Variants in PEX14 observed in about 807,000 individuals in gnomAD.
PEX14 encodes peroxisomal membrane protein PEX14.
A neutral mutation model predicts 49.5 loss-of-function variants in PEX14; 15 were observed. That is an observed-to-expected ratio of 0.30 (90% CI 0.20 to 0.47). The LOEUF (loss-of-function observed/expected upper bound fraction) is 0.47. Among genes scored for constraint, PEX14 ranks in the 20% least tolerant of loss-of-function variants. PEX14 has a pLI of 1.00. For synonymous variants in PEX14, 210 were observed against 212.7 expected (o/e 0.99, Z 0.11); for missense variants, 398 against 494.8 (o/e 0.80, Z 1.86).
Position 10,494,748 on chromosome 1 carries a change from A to ATCCT in PEX14, c.37-526_37-525insTCCT, listed in dbSNP as rs1451332848. ...TCCTTAGTGGCAGGTGATGAATAGG[A>ATCCT]ACCTGTGTAGTTTACTGGCTTCTGG... is the stretch of plus-strand genomic sequence containing the variant. On this transcript the variant is annotated intron_variant, in intron 1 of 8. Coordinates refer to ENST00000356607, the MANE Select transcript of PEX14 (RefSeq NM_004565.3). The surrounding 1 kb of genome is among the most constrained non-coding windows in gnomAD (Gnocchi z 4.3). 2.0e-5 allele frequency among the ~76,000 whole-genome samples: 3 copies of ATCCT among 152,158 alleles called. No homozygotes were observed. The highest frequency in any genetic ancestry group is 7.2e-5 in the African/African-American group (3 of 41,454).
chr1:10,503,885 C>G lies in PEX14; in HGVS notation c.84+8564C>G, dbSNP rs144961532. ...AGTAGCTGGGATTACAGGCGCCCACCACCATGCCTGGCTAATTTTTTAATT... is the reference window on the plus strand; with the variant it reads ...AGTAGCTGGGATTACAGGCGCCCACGACCATGCCTGGCTAATTTTTTAATT... On this transcript the variant is annotated intron_variant, in intron 2 of 8. Transcript: ENST00000356607. Among the ~76,000 whole-genome samples the G allele has an allele frequency of 4.8e-3, 737 of 152,118 alleles. 4 individuals are homozygous for G. Among genetic ancestry groups the G allele is most frequent in the African/African-American group, 0.017 (705 of 41,498 alleles).
rs1641839828 is a variant in PEX14, at chr1:10,629,318, G to GT, written c.678-212dup. 6.6e-6 allele frequency among the ~76,000 whole-genome samples: 1 copy of GT among 152,190 alleles called. No homozygotes were observed. The highest frequency in any genetic ancestry group is 1.5e-5 in the Non-Finnish European group (1 of 68,024). ...GGCCCGGGGGGACCCTGGGCTGTCT[G>GT]TGGGGGCACAGGACCCGCTTGGCAT... On this transcript the variant is annotated intron_variant, in intron 8 of 8. Coordinates refer to ENST00000356607, the MANE Select transcript of PEX14 (RefSeq NM_004565.3). The surrounding 1 kb of genome is among the most constrained non-coding windows in gnomAD (Gnocchi z 8.5).
chr1:10,479,714 A>G (rs1174114541), intron 1 of PEX14, among the ~76,000 whole-genome samples: 1 of 152,196 alleles, frequency 6.6e-6, no homozygotes, highest in Non-Finnish European at 1.5e-5. Flanking sequence ...GCAGAGTGAA[A>G]GAGTGGAAGA....
At chr1:10,609,772 C>T (rs1641225671) in intron 4 of PEX14, among the ~76,000 whole-genome samples, 2 of 152,104 alleles carry the variant, frequency 1.3e-5, no homozygotes, top group South Asian at 4.1e-4. Context: ...GTAATCCCAG[C>T]TACTCGAGAG....
At chr1:10,573,610 C>A (rs1478479337) in intron 3 of PEX14, among the ~76,000 whole-genome samples, 2 of 152,132 alleles carry the variant, frequency 1.3e-5, no homozygotes, top group Non-Finnish European at 2.9e-5. Context: ...CAAATGTTGT[C>A]AAGAATGTGG....
intron 3 of PEX14, among the ~76,000 whole-genome samples, chr1:10,569,532 A>G (rs1387849791): frequency 6.6e-6 from 1 of 152,068 alleles, no homozygotes; most frequent in African/African-American, 2.4e-5. Flanking sequence ...CCTTTTCTCT[A>G]TCCTGTGGTT....
chr1:10,589,873 T>A (rs1348159862), intron 3 of PEX14, among the ~76,000 whole-genome samples: 1 of 152,210 alleles, frequency 6.6e-6, no homozygotes, highest in Non-Finnish European at 1.5e-5. Flanking sequence ...GCATTGGGCA[T>A]CCTCTTGTTT....
intron 3 of PEX14, among the ~76,000 whole-genome samples, chr1:10,575,438 TTTAA>T (rs1324131617): frequency 2.6e-5 from 4 of 152,210 alleles, no homozygotes; most frequent in South Asian, 2.1e-4. Context: ...AAATGGAATA[TTTAA>T]TTTTTCAACA....
chr1:10,584,078 ACTAGT>A lies in PEX14; in HGVS notation c.170-15154_170-15150del, dbSNP rs559566769. On this transcript the variant is annotated intron_variant, in intron 3 of 8. Transcript: ENST00000356607. ...GGATCACCAGGGTGGAAGCTGGGAG[ACTAGT>A]CTAGTGTTGAGATGTGATCAGATTC... is the stretch of plus-strand genomic sequence containing the variant. Among the ~76,000 whole-genome samples, 216 of 152,328 alleles carry A rather than the reference ACTAGT, an allele frequency of 1.4e-3. 2 individuals are homozygous for A. Among genetic ancestry groups the A allele is most frequent in the Admixed American group, 4.4e-3 (68 of 15,300 alleles).
At chr1:10,517,355 A>G (rs1391906389) in intron 2 of PEX14, among the ~76,000 whole-genome samples, 4 of 152,190 alleles carry the variant, frequency 2.6e-5, no homozygotes, top group Admixed American at 2.6e-4. Context: ...TGCATCAGGC[A>G]GTGATCAGAT....
intron 4 of PEX14, among the ~76,000 whole-genome samples, chr1:10,606,835 A>C (rs1299485150): frequency 6.6e-5 from 10 of 152,238 alleles, no homozygotes; most frequent in Admixed American, 6.5e-4. Context: ...CTTTTTTAAA[A>C]AAAATTCTGA....
At chr1:10,503,720 C>CCTTTTTT (rs879545187) in intron 2 of PEX14, among the ~76,000 whole-genome samples, 1 of 151,716 alleles carries the variant, frequency 6.6e-6, no homozygotes, top group Non-Finnish European at 1.5e-5. Flanking sequence ...TCCAGGATAA[C>CCTTTTTT]CTTTTTTCTT....
intron 3 of PEX14, among the ~76,000 whole-genome samples, chr1:10,563,519 G>A (rs1402236988): frequency 3.3e-5 from 5 of 152,138 alleles, no homozygotes; most frequent in South Asian, 2.1e-4. Context: ...CAGCTACTCC[G>A]GAGGCGGAGG....
chr1:10,478,698 C>T (rs1434481640), intron 1 of PEX14, among the ~76,000 whole-genome samples: 1 of 151,990 alleles, frequency 6.6e-6, no homozygotes, highest in Non-Finnish European at 1.5e-5. Context: ...TTCGTCTCAG[C>T]CTCCTGAGTA....
chr1:10,500,928 T>C (rs759535167), intron 2 of PEX14, among the ~76,000 whole-genome samples: 8 of 152,218 alleles, frequency 5.3e-5, no homozygotes, highest in Non-Finnish European at 1.0e-4. Flanking sequence ...TGTGCACTCA[T>C]GTATGCATGT....
At chr1:10,566,271 G>A (rs140210347) in intron 3 of PEX14, among the ~76,000 whole-genome samples, 39 of 152,128 alleles carry the variant, frequency 2.6e-4, no homozygotes, top group Non-Finnish European at 4.3e-4. Flanking sequence ...TTTTATTTCC[G>A]TATCTACAAA....
intron 1 of PEX14, among the ~76,000 whole-genome samples, chr1:10,485,969 G>C (rs1641361500): frequency 6.6e-6 from 1 of 151,902 alleles, no homozygotes; most frequent in East Asian, 1.9e-4. Context: ...TGTTGGCCAG[G>C]CTGGTCTTGA....
intron 3 of PEX14, among the ~76,000 whole-genome samples, chr1:10,550,726 C>T (rs1639310277): frequency 6.6e-6 from 1 of 152,132 alleles, no homozygotes; most frequent in East Asian, 1.9e-4. Context: ...CATATGGAAG[C>T]CCACCCAATT....
At chr1:10,504,883 G>A (rs1182698131) in intron 2 of PEX14, among the ~76,000 whole-genome samples, 2 of 151,610 alleles carry the variant, frequency 1.3e-5, no homozygotes, top group Non-Finnish European at 1.5e-5. Flanking sequence ...GCCTCCCAGG[G>A]TCAAGCTGTT....
Sources: allele counts gnomAD v4.1 joint callset (sites outside exome capture counted in the v4.1 genomes callset), GRCh38; gene constraint gnomAD v4.1.1; non-coding constraint Gnocchi (gnomAD v3.1); transcripts MANE v1.5; gene names NCBI Gene and HGNC (gene_info 2026-07-23, HGNC 2026-07-21).